SPTBN5: variants seen among roughly 807,000 people sequenced by gnomAD.
SPTBN5 encodes spectrin beta, non-erythrocytic 5, also known as spectrin beta chain, non-erythrocytic 5.
In SPTBN5, 513 loss-of-function variants were observed where a neutral mutation model predicts 477.6. That is an observed-to-expected ratio of 1.07 (90% CI 1.00 to 1.16). The LOEUF is 1.16. Among genes scored for constraint, SPTBN5 ranks in the 50% most tolerant of loss-of-function variants. SPTBN5 has a pLI of 0.00. For missense variants in SPTBN5, 5,062 were observed against 4,731.8 expected, an observed-to-expected ratio of 1.07 and a Z score of -2.05; for synonymous variants, 2,169 against 2,011.7, an observed-to-expected ratio of 1.08 and a Z score of -2.09.
At position 41,886,147 on chromosome 15, in the gene SPTBN5, G is replaced by A. The variant is rs183294206; in HGVS notation, c.1108C>T (p.Leu370Phe). Reference protein sequence around the residue: ...LQQRGAAEALLFRLQTALQAQ... With the variant: ...LQQRGAAEALFFRLQTALQAQ... Reference sequence around the variant, plus strand: ...TGGAGTGCTGTCTGTAGCCGGAAGAGCAGGGCCTCTGCGGCCCCTCGCTGC... The same window carrying A: ...TGGAGTGCTGTCTGTAGCCGGAAGAACAGGGCCTCTGCGGCCCCTCGCTGC... Residue 370 changes from leucine (L) to phenylalanine (F), a missense_variant, in exon 7 of 68, where the codon CTC becomes TTC. Coordinates refer to ENST00000320955, the MANE Select transcript of SPTBN5 (RefSeq NM_016642.4). 1.9e-6 allele frequency: 3 copies of A among 1,612,140 alleles called. No individual in the cohort carries two copies. In the African/African-American group the frequency reaches 4.0e-5, roughly 21 times the overall value.
chr15:41,874,429 C>T lies in SPTBN5; in HGVS notation c.4552G>A (p.Ala1518Thr). Residue 1518 changes from alanine (A) to threonine (T), a missense_variant, in exon 24 of 68, where the codon GCC becomes ACC. Coordinates refer to ENST00000320955, the MANE Select transcript of SPTBN5 (RefSeq NM_016642.4). ...HLAIRGLQLQ[A>T]SVELHQFCHL... ...CAGAACTGGTGCAGCTCCACTGAGG[C>T]CTGCAGCTGCAGGCCCCGGATGGCC... is the stretch of plus-strand genomic sequence containing the variant. 1.2e-6 allele frequency: 2 copies of T among 1,612,972 alleles called. No individual in the cohort carries two copies. Among genetic ancestry groups the T allele is most frequent in the African/African-American group, 1.3e-5 (1 of 75,018 alleles).
intron 47 of SPTBN5, among the ~76,000 whole-genome samples, chr15:41,860,277 T>C (rs565609589): frequency 6.6e-6 from 1 of 152,380 alleles, no homozygotes; most frequent in South Asian, 2.1e-4. Flanking sequence ...TTGACCTCTG[T>C]GCCCTGCGAC....
At position 41,854,074 on chromosome 15, in the gene SPTBN5, C is replaced by A; in HGVS notation, c.9750G>T (p.Leu3250=). The A allele has an allele frequency of 6.3e-7, 1 of 1,575,084 alleles. No homozygotes were observed. The highest frequency in any genetic ancestry group is 8.6e-7 in the Non-Finnish European group (1 of 1,162,702). Residue 3250 remains leucine, a synonymous_variant, in exon 57 of 68, where the codon CTG becomes CTT. Transcript: ENST00000320955. ...CCTCCAGGCGCCTGTGCTGTTGCTG[C>A]AGGGTCCGCACAGATGACAGGCTGT... ...GGHSLSSVRT[L]QQQHRRLERE... is the part of the protein sequence containing the mutation.
chr15:41,890,363 C>T (rs1406963749), intron 3 of SPTBN5, among the ~76,000 whole-genome samples, 158 bp from the exon 4 acceptor site: 1 of 152,202 alleles, frequency 6.6e-6, no homozygotes, highest in Admixed American at 6.5e-5. Flanking sequence ...GGGGATAAGT[C>T]CAGGAAAGCA....
chr15:41,849,067 G>A (rs1051370722), intron 67 of SPTBN5, among the ~76,000 whole-genome samples: 1 of 152,202 alleles, frequency 6.6e-6, no homozygotes, highest in Non-Finnish European at 1.5e-5. Context: ...CCAGGCACAC[G>A]GCTGTATATG....
At chr15:41,852,116 C>G in intron 62 of SPTBN5, 66 bp downstream of exon 62, 1 of 1,511,832 alleles carries the variant, frequency 6.6e-7, no homozygotes, top group African/African-American at 1.4e-5. Context: ...CCCCACAGCC[C>G]CAGCCCCACT....
Position 41,856,604 on chromosome 15 carries a change from G to A in SPTBN5, c.8809-6C>T. ...CTCATCTCACTCTCCAGGTTCTGCGGGGGAGGAGGCAGGAGGATGCGGATG... is the reference window on the plus strand; with the variant it reads ...CTCATCTCACTCTCCAGGTTCTGCGAGGGAGGAGGCAGGAGGATGCGGATG... On this transcript the variant is annotated splice_polypyrimidine_tract_variant and splice_region_variant and intron_variant, in intron 52 of 67. Coordinates refer to ENST00000320955, the MANE Select transcript of SPTBN5 (RefSeq NM_016642.4). The A allele has an allele frequency of 6.4e-7, 1 of 1,573,148 alleles. No individual in the cohort carries two copies.
chr15:41,860,330 A>G (rs2066062003), intron 47 of SPTBN5, among the ~76,000 whole-genome samples: 1 of 152,224 alleles, frequency 6.6e-6, no homozygotes, highest in Non-Finnish European at 1.5e-5. Context: ...TCCTAGCATA[A>G]GCCTCTCTTT....
At position 41,888,168 on chromosome 15, in the gene SPTBN5, G is replaced by A. The variant is rs559176403; in HGVS notation, c.502-83C>T. On this transcript the variant is annotated intron_variant, in intron 4 of 67. Transcript: ENST00000320955. ...CTGCAGGCTGTGGGAGAGGCAGGCT[G>A]GCCACAGCAGGATCCTGCTCCTCCC... is the stretch of plus-strand genomic sequence containing the variant. 1.6e-5 allele frequency: 22 copies of A among 1,378,372 alleles called. No individual in the cohort carries two copies. In the South Asian group the frequency reaches 2.8e-4, roughly 18 times the overall value. 85.4% of individuals were successfully genotyped at this position (1,378,372 alleles called of 1,614,324 possible).
rs373585698 is a variant in SPTBN5, at chr15:41,872,303, G to A, written c.5164C>T (p.Arg1722Trp). ...LRALQELAAT[R>W]DRELEGTLRL... ...TGAGAGGGGTTATGGTGTCCTCACCGTGTGGCCGCCAACTCCTGCAGTGCC... is the reference window on the plus strand; with the variant it reads ...TGAGAGGGGTTATGGTGTCCTCACCATGTGGCCGCCAACTCCTGCAGTGCC... Residue 1722 changes from arginine to tryptophan, a missense_variant and splice_region_variant, in exon 27 of 68, where the codon CGG (arginine) becomes TGG (tryptophan). Arg to Trp is a moderately radical substitution (Grantham distance 101). Coordinates refer to ENST00000320955, the MANE Select transcript of SPTBN5 (RefSeq NM_016642.4). 112 of 1,609,974 alleles carry A rather than the reference G, an allele frequency of 7.0e-5. No homozygotes were observed. In the Middle Eastern group the frequency reaches 1.8e-3, roughly 25 times the overall value.
Position 41,882,124 on chromosome 15 carries a change from C to T in SPTBN5, c.2269G>A (p.Ala757Thr). 2 of 1,573,590 alleles carry T rather than the reference C, an allele frequency of 1.3e-6. No homozygotes were observed. Among genetic ancestry groups the T allele is most frequent in the East Asian group, 2.4e-5 (1 of 42,550 alleles). Residue 757 changes from alanine (A) to threonine (T), a missense_variant, in exon 12 of 68, where the codon GCG (alanine) becomes ACG (threonine). Physicochemically the swap from Ala to Thr is moderately conservative, Grantham distance 58. Coordinates refer to ENST00000320955, the MANE Select transcript of SPTBN5 (RefSeq NM_016642.4). ...CGCCGCTCGCGCAGCCACGAAGCCG[C>T]CTCCGCCGCGTCCGCGAAGTACTGT... ...VLQYFADAAEAASWLRERRSS... is the reference protein window; with the variant it reads ...VLQYFADAAETASWLRERRSS...
At chr15:41,848,691 C>A in intron 67 of SPTBN5, 63 bp from the exon 68 acceptor site, 1 of 1,590,412 alleles carries the variant, frequency 6.3e-7, no homozygotes, top group Admixed American at 1.7e-5. Context: ...TCCAAACAAA[C>A]ACACACTGGT....
Position 41,857,290 on chromosome 15 carries a change from C to T in SPTBN5, c.8569G>A (p.Gly2857Ser), listed in dbSNP as rs182480347. The change falls in exon 51 of 68, where the codon GGC (glycine) becomes AGC (serine). Residue 2857 changes from glycine to serine, a missense_variant. Coordinates refer to ENST00000320955, the MANE Select transcript of SPTBN5 (RefSeq NM_016642.4). ...TCCACATCTTGGGCAAGGCAGTGGC[C>T]TTCCCTCACAAAGGCCTGGGCCTGG... is the stretch of plus-strand genomic sequence containing the variant. ...LGQAQAFVRE[G>S]HCLAQDVEEQ... is the part of the protein sequence containing the mutation. 1,070 of 1,573,582 alleles carry T rather than the reference C, an allele frequency of 6.8e-4. 1 individual carries two copies. The highest frequency in any genetic ancestry group is 8.3e-4 in the Non-Finnish European group (958 of 1,160,004).
intron 17 of SPTBN5, among the ~76,000 whole-genome samples, chr15:41,878,067 C>G (rs1313560954): frequency 6.6e-6 from 1 of 152,204 alleles, no homozygotes; most frequent in Non-Finnish European, 1.5e-5. Context: ...TCGGGCCCAC[C>G]TGGAGGGGGC....
intron 22 of SPTBN5, 132 bp downstream of exon 22, chr15:41,875,326 G>A (rs2066687031): frequency 8.5e-7 from 1 of 1,178,888 alleles, no homozygotes; most frequent in African/African-American, 1.5e-5. Flanking sequence ...CGCTCAGCTT[G>A]TCCTAGGCCA....
intron 39 of SPTBN5, among the ~76,000 whole-genome samples, chr15:41,865,032 C>T (rs1234081319): frequency 5.9e-5 from 9 of 152,248 alleles, no homozygotes; most frequent in Admixed American, 5.9e-4. Context: ...GCATCTGGCA[C>T]AGCGTCTGTG....
chr15:41,853,772 T>C lies in SPTBN5; in HGVS notation c.9790A>G (p.Met3264Val), dbSNP rs751489986. ...TGTAGCCGTGCCACCTCCTTCTCCA[T>C]AGCTTCCAGCTCTCTCTGCAACCAG... The part of the protein sequence containing the change: ...HRRLERELEA[M>V]EKEVARLQTE... The change falls in exon 58 of 68, where the codon ATG (methionine) becomes GTG (valine). Residue 3264 changes from methionine (M) to valine (V), a missense_variant. Physicochemically the swap from Met to Val is conservative, Grantham distance 21 (BLOSUM62 1). Transcript: ENST00000320955. 1.9e-6 allele frequency: 3 copies of C among 1,569,472 alleles called. No individual in the cohort carries two copies. The highest frequency in any genetic ancestry group is 1.2e-5 in the South Asian group (1 of 85,700).
At position 41,864,076 on chromosome 15, in the gene SPTBN5, T is replaced by C. The variant is rs549826340; in HGVS notation, c.6919-52A>G. On this transcript the variant is annotated intron_variant, in intron 39 of 67. Coordinates refer to ENST00000320955, the MANE Select transcript of SPTBN5 (RefSeq NM_016642.4). Reference sequence around the variant, plus strand: ...TTGGCACCCCCCATGCAGAGCCCCTTCTTCCCACCTCAGCAGGCACTGAAA... The same window carrying C: ...TTGGCACCCCCCATGCAGAGCCCCTCCTTCCCACCTCAGCAGGCACTGAAA... 8.0e-5 allele frequency: 117 copies of C among 1,465,508 alleles called. 2 individuals are homozygous for C. The South Asian group carries it at 1.3e-3, about 17-fold the overall frequency. The allele number at this position is 1,465,508 out of a possible 1,614,324, so 90.8% of individuals were successfully genotyped here. A position where few individuals can be genotyped will look rare whatever the true frequency, so the allele number is the denominator to read the frequency against.
intron 39 of SPTBN5, among the ~76,000 whole-genome samples, chr15:41,864,781 C>T (rs950380867): frequency 2.0e-5 from 3 of 152,192 alleles, no homozygotes; most frequent in Non-Finnish European, 4.4e-5. Flanking sequence ...TTTAAAGGTA[C>T]GCAGGGAGGG....
Sources: gnomAD v4.1 joint callset for allele counts (sites outside exome capture counted in the v4.1 genomes callset) on GRCh38, gnomAD v4.1.1 for gene constraint, MANE v1.5 for transcripts, NCBI Gene and HGNC (gene_info 2026-07-23, HGNC 2026-07-21) for gene names.